Variants in TNFSF13B observed in about 807,000 individuals in gnomAD.
TNFSF13B encodes the protein tumor necrosis factor ligand superfamily member 13B.
Under a neutral mutation model 29.1 loss-of-function variants are expected in TNFSF13B, and 8 were observed. That is an observed-to-expected ratio of 0.27 (90% CI 0.16 to 0.50). TNFSF13B has a LOEUF of 0.50. TNFSF13B is among the 20% of genes least tolerant of loss of function. The pLI is 0.98. For synonymous variants in TNFSF13B, 125 were observed against 130.8 expected (o/e 0.96, Z 0.30); for missense variants, 248 against 334.9 (o/e 0.74, Z 2.03).
chr13:108,283,788 G>T (rs1438224140), intron 2 of TNFSF13B, among the ~76,000 whole-genome samples: 1 of 152,194 alleles, frequency 6.6e-6, no homozygotes, highest in East Asian at 1.9e-4. Flanking sequence ...GCTTGTAGAT[G>T]ATGCCTCCTC....
intron 2 of TNFSF13B, among the ~76,000 whole-genome samples, chr13:108,275,154 C>T (rs1333811282): frequency 4.0e-5 from 6 of 151,898 alleles, no homozygotes; most frequent in Non-Finnish European, 8.8e-5. Context: ...CTTTTAAGCC[C>T]GTAACTGTGT....
At chr13:108,273,414 A>T (rs1880674586) in intron 2 of TNFSF13B, among the ~76,000 whole-genome samples, 1 of 152,222 alleles carries the variant, frequency 6.6e-6, no homozygotes, top group Admixed American at 6.5e-5. Flanking sequence ...CATAAAATAT[A>T]CACAAAAGTT....
intron 3 of TNFSF13B, among the ~76,000 whole-genome samples, chr13:108,287,612 A>T (rs1170263752): frequency 6.6e-6 from 1 of 152,188 alleles, no homozygotes; most frequent in African/African-American, 2.4e-5. Flanking sequence ...TTTAAGAATG[A>T]CTCAAGACCA....
intron 3 of TNFSF13B, among the ~76,000 whole-genome samples, chr13:108,291,993 C>T (rs1881328320): frequency 6.6e-6 from 1 of 152,126 alleles, no homozygotes; most frequent in East Asian, 1.9e-4. Context: ...AAATTAAATT[C>T]ATATAACATA....
At chr13:108,298,021 G>A (rs9520833) in intron 3 of TNFSF13B, among the ~76,000 whole-genome samples, 145,086 of 145,520 alleles carry the variant, frequency 1, 72,390 homozygotes, top group Non-Finnish European at 1. Flanking sequence ...AAATGTCTCT[G>A]TAGTTTTAAC....
chr13:108,292,590 C>T (rs1208880998), intron 3 of TNFSF13B, among the ~76,000 whole-genome samples: 1 of 152,102 alleles, frequency 6.6e-6, no homozygotes, highest in Non-Finnish European at 1.5e-5. Flanking sequence ...CTCACTGACA[C>T]ATCTTATTTT....
chr13:108,281,838 G>A lies in TNFSF13B; in HGVS notation c.425-4965G>A, dbSNP rs184977682. The stretch of plus-strand genomic sequence containing the variant: ...CATGTGTTTTAATTTCAGTGAAAAT[G>A]TTAATTCAATACCATGCTTTCCCCA... On this transcript the variant is annotated intron_variant, in intron 2 of 5. Transcript: ENST00000375887. Among the ~76,000 whole-genome samples, 50 of 152,114 alleles carry A rather than the reference G, an allele frequency of 3.3e-4. 1 individual carries two copies. Among genetic ancestry groups the A allele is most frequent in the African/African-American group, 1.2e-3 (49 of 41,486 alleles).
In TNFSF13B at chr13:108,295,692, C is replaced by A. The variant is rs1023967515; in HGVS notation, c.482-7561C>A. Among the ~76,000 whole-genome samples, 12 of 145,464 alleles carry A rather than the reference C, an allele frequency of 8.2e-5. 2 individuals carry two copies. Among genetic ancestry groups the A allele is most frequent in the African/African-American group, 2.8e-4 (11 of 38,624 alleles). ...ACAGTTGTACATTTCTTTCTGAGTGCTACTTTCACTGCTTCCTATGAATAT... is the reference window on the plus strand; with the variant it reads ...ACAGTTGTACATTTCTTTCTGAGTGATACTTTCACTGCTTCCTATGAATAT... On this transcript the variant is annotated intron_variant, in intron 3 of 5. Transcript: ENST00000375887.
chr13:108,294,240 C>A (rs1881404243), intron 3 of TNFSF13B, among the ~76,000 whole-genome samples: 1 of 150,574 alleles, frequency 6.6e-6, no homozygotes, highest in African/African-American at 2.4e-5. Flanking sequence ...AGTGTAATGG[C>A]ATGATCTTAA....
chr13:108,286,652 T>C, intron 2 of TNFSF13B, 151 bp from the exon 3 acceptor site: 1 of 414,500 alleles, frequency 2.4e-6, no homozygotes, highest in Non-Finnish European at 4.7e-6. Context: ...AATGGGCAAA[T>C]ATAAAGTAAC....
chr13:108,295,360 T>C (rs1281917659), intron 3 of TNFSF13B, among the ~76,000 whole-genome samples: 3 of 144,242 alleles, frequency 2.1e-5, no homozygotes, highest in Non-Finnish European at 4.6e-5. Context: ...ATTTATTTAT[T>C]TTTTGTATTT....
chr13:108,284,347 TAAATAAATGAATAAATAAAC>T (rs1399329868), intron 2 of TNFSF13B, among the ~76,000 whole-genome samples: 5 of 133,432 alleles, frequency 3.7e-5, no homozygotes, highest in South Asian at 4.9e-4. Flanking sequence ...AATAAATAAA[TAAATAAATGAATAAATAAAC>T]AAACAAACAA....
At chr13:108,276,238 G>T (rs1303773484) in intron 2 of TNFSF13B, among the ~76,000 whole-genome samples, 1 of 152,168 alleles carries the variant, frequency 6.6e-6, no homozygotes, top group Non-Finnish European at 1.5e-5. Context: ...GTGTTCCTTC[G>T]TGGAACAGAA....
At chr13:108,296,099 G>T (rs1468744870) in intron 3 of TNFSF13B, among the ~76,000 whole-genome samples, 1 of 145,640 alleles carries the variant, frequency 6.9e-6, no homozygotes, top group Admixed American at 6.8e-5. Flanking sequence ...CTATGTGTCT[G>T]TTAGGTTCAG....
At chr13:108,302,944 C>G (rs1881667070) in intron 3 of TNFSF13B, 1 of 734,036 alleles carries the variant, frequency 1.4e-6, no homozygotes, top group Admixed American at 5.4e-5. Context: ...ACTCTCTTAT[C>G]CAGATCAGCC....
chr13:108,300,999 A>G (rs1881607374), intron 3 of TNFSF13B, among the ~76,000 whole-genome samples: 3 of 152,210 alleles, frequency 2.0e-5, no homozygotes, highest in Non-Finnish European at 2.9e-5. Context: ...TGAATTTACA[A>G]TGTAATTTGC....
chr13:108,273,295 C>G (rs1880671698), intron 2 of TNFSF13B, among the ~76,000 whole-genome samples: 1 of 151,784 alleles, frequency 6.6e-6, no homozygotes, highest in Non-Finnish European at 1.5e-5. Flanking sequence ...TTTGAAAAAA[C>G]TCATGGAAGA....
Position 108,303,318 on chromosome 13 carries a change from A to C in TNFSF13B, c.547A>C (p.Asn183His). 1 of 1,613,562 alleles carries C rather than the reference A, an allele frequency of 6.2e-7. No homozygotes were observed. Among genetic ancestry groups the C allele is most frequent in the Non-Finnish European group, 8.5e-7 (1 of 1,179,704 alleles). The stretch of plus-strand genomic sequence containing the variant: ...GGGAAGTGCCCTAGAAGAAAAAGAG[A>C]ATAAAATATTGGTCAAAGAAACTGG... ...KRGSALEEKE[N>H]KILVKETGYF... Residue 183 changes from asparagine (N) to histidine (H), a missense_variant, in exon 4 of 6, where the codon AAT (asparagine) becomes CAT (histidine). Around this residue, in one of 2 missense-constraint regions of TNFSF13B, gnomAD observed 62 missense variants for 138.6 expected, o/e 0.45. Transcript: ENST00000375887.
Position 108,290,967 on chromosome 13 carries a change from G to A in TNFSF13B, c.481+4108G>A, listed in dbSNP as rs148616989. On this transcript the variant is annotated intron_variant, in intron 3 of 5. Coordinates refer to ENST00000375887, the MANE Select transcript of TNFSF13B (RefSeq NM_006573.5). ...AAACCAACTTAATTTTCCCCTGTGA[G>A]GGCATCACAGTCTTTTTTTAATCGC... Among the ~76,000 whole-genome samples, 851 of 151,750 alleles carry A rather than the reference G, an allele frequency of 5.6e-3. 3 individuals are homozygous for A. Among genetic ancestry groups the A allele is most frequent in the Middle Eastern group, 0.014 (4 of 294 alleles).
Sources: allele counts gnomAD v4.1 joint callset (sites outside exome capture counted in the v4.1 genomes callset), GRCh38; gene constraint gnomAD v4.1.1; regional missense constraint gnomAD v4.1.1; transcripts MANE v1.5; gene names NCBI Gene and HGNC (gene_info 2026-07-23, HGNC 2026-07-21).